The following EBF3 variants were observed in gnomAD, a reference collection of about 807,000 sequenced individuals.
EBF3 encodes the protein transcription factor COE3.
In EBF3, 18 loss-of-function variants were observed where a neutral mutation model predicts 77.1. That is an observed-to-expected ratio of 0.23 (90% CI 0.16 to 0.35). EBF3 has a LOEUF of 0.35. Ranked by LOEUF, EBF3 falls within the 10% of genes least tolerant of loss-of-function variation. EBF3 has a pLI of 1.00. For synonymous variants in EBF3, 350 were observed against 343.5 expected (o/e 1.02, Z -0.21); for missense variants, 558 against 860.0 (o/e 0.65, Z 4.39).
intron 6 of EBF3, among the ~76,000 whole-genome samples, chr10:129,931,387 T>C (rs779666864): frequency 3.3e-5 from 5 of 152,228 alleles, no homozygotes; most frequent in African/African-American, 4.8e-5. Context: ...GAAGAGAGCC[T>C]GAGTGTGGCA....
chr10:129,948,441 T>C (rs1176903183), intron 6 of EBF3, among the ~76,000 whole-genome samples: 1 of 152,090 alleles, frequency 6.6e-6, no homozygotes, highest in Admixed American at 6.6e-5. Context: ...GTGAAACTAT[T>C]CTGCACGGCA....
At chr10:129,854,894 C>T (rs1259628425) in intron 10 of EBF3, among the ~76,000 whole-genome samples, 3 of 152,358 alleles carry the variant, frequency 2.0e-5, no homozygotes, top group South Asian at 2.1e-4. Flanking sequence ...GCGCTGCCCG[C>T]GGGGGCCGGC....
In EBF3 at chr10:129,952,105, C is replaced by A. The variant is rs1002835230; in HGVS notation, c.554+5153G>T. Among the ~76,000 whole-genome samples, 2 of 152,192 alleles carry A rather than the reference C, an allele frequency of 1.3e-5. No homozygotes were observed. The highest frequency in any genetic ancestry group is 2.9e-5 in the Non-Finnish European group (2 of 68,040). On this transcript the variant is annotated intron_variant, in intron 6 of 16. Transcript: ENST00000440978. The surrounding 1 kb of genome is among the most constrained non-coding windows in gnomAD (Gnocchi z 4.7). ...GCCAAATTTCTAGCCAATACTTTCCCTTCACTGAAGGCCCAATGTATTAAA... is the reference window on the plus strand; with the variant it reads ...GCCAAATTTCTAGCCAATACTTTCCATTCACTGAAGGCCCAATGTATTAAA...
intron 11 of EBF3, 177 bp from the exon 12 acceptor site, chr10:129,843,379 A>G: frequency 1.7e-6 from 1 of 582,396 alleles, no homozygotes; most frequent in Non-Finnish European, 3.0e-6. Context: ...CGTGCTGACA[A>G]CACTGTTTGT....
In EBF3 at chr10:129,848,367, G is replaced by A. The variant is rs1357708392; in HGVS notation, c.1128+25C>T. On this transcript the variant is annotated intron_variant, in intron 11 of 16. Transcript: ENST00000440978. The surrounding 1 kb of genome is among the most constrained non-coding windows in gnomAD (Gnocchi z 4.4). ...CCCAGTGGCGGCCCCACCATGAGCG[G>A]GGTGCCACTTGCTCTTTTACTAACC... The A allele has an allele frequency of 6.2e-7, 1 of 1,610,102 alleles. No homozygotes were observed. The highest frequency in any genetic ancestry group is 8.5e-7 in the Non-Finnish European group (1 of 1,176,510).
At chr10:129,875,468 T>C (rs1852708940) in intron 7 of EBF3, among the ~76,000 whole-genome samples, 1 of 152,098 alleles carries the variant, frequency 6.6e-6, no homozygotes, top group South Asian at 2.1e-4. Flanking sequence ...AGTGCTGGGA[T>C]GACCGGCGTG....
At chr10:129,958,437 A>G (rs1353838195) in intron 5 of EBF3, among the ~76,000 whole-genome samples, 1 of 152,230 alleles carries the variant, frequency 6.6e-6, no homozygotes, top group Non-Finnish European at 1.5e-5. Context: ...CGGGCACGCT[A>G]TCTAACAACG....
intron 6 of EBF3, among the ~76,000 whole-genome samples, chr10:129,910,636 C>T (rs1303126909): frequency 2.0e-5 from 3 of 152,114 alleles, no homozygotes; most frequent in East Asian, 3.9e-4. Context: ...CCAGCTCCTA[C>T]GCTCCCTGCT....
chr10:129,873,223 G>T (rs1251949952), intron 8 of EBF3, among the ~76,000 whole-genome samples: 4 of 152,212 alleles, frequency 2.6e-5, no homozygotes, highest in Admixed American at 2.6e-4. Flanking sequence ...AAACATGAAG[G>T]CCGTGGCAGG....
Position 129,842,237 on chromosome 10 carries a change from G to T in EBF3, c.1251C>A (p.Arg417=). 1 of 1,613,968 alleles carries T rather than the reference G, an allele frequency of 6.2e-7. No individual in the cohort carries two copies. Among genetic ancestry groups the T allele is most frequent in the South Asian group, 1.1e-5 (1 of 91,044 alleles). Residue 417 remains arginine, a synonymous_variant, in exon 13 of 17, where the codon CGC becomes CGA. Coordinates refer to ENST00000440978, the MANE Select transcript of EBF3 (RefSeq NM_001375380.1). The surrounding 1 kb of genome is among the most constrained non-coding windows in gnomAD (Gnocchi z 4.4). ...CCAGGGTGGGGATCTGGTTGTGATTGCGGGGAACGCTGTACAGCGCCTCGG... is the reference window on the plus strand; with the variant it reads ...CCAGGGTGGGGATCTGGTTGTGATTTCGGGGAACGCTGTACAGCGCCTCGG... ...DIAEALYSVP[R]NHNQIPTLGN...
intron 6 of EBF3, among the ~76,000 whole-genome samples, chr10:129,912,582 C>T (rs1261486738): frequency 6.6e-6 from 1 of 152,150 alleles, no homozygotes; most frequent in Non-Finnish European, 1.5e-5. Context: ...AAAGTGAGTG[C>T]TATTTTCTGT....
Position 129,876,885 on chromosome 10 carries a change from A to ACCCCCCCCCCCCCCC in EBF3, c.636+868_636+882dup, listed in dbSNP as rs10573399. On this transcript the variant is annotated intron_variant, in intron 7 of 16. Transcript: ENST00000440978. ...TAAATCTATCATAATTCATCCCTGA[A>ACCCCCCCCCCCCCCC]CCCCCCCCCCCCCCCCACCCAGCTA... 8.3e-3 allele frequency among the ~76,000 whole-genome samples: 353 copies of ACCCCCCCCCCCCCCC among 42,398 alleles called. 10 individuals are homozygous for ACCCCCCCCCCCCCCC. The highest frequency in any genetic ancestry group is 0.01 in the Non-Finnish European group (235 of 22,664). 27.8% of individuals were successfully genotyped at this position (42,398 alleles called of 152,430 possible). A position where few individuals can be genotyped will look rare whatever the true frequency, so the allele number is the denominator to read the frequency against.
Position 129,840,461 on chromosome 10 carries a change from G to T in EBF3, c.1562-19C>A. The T allele has an allele frequency of 1.3e-6, 2 of 1,546,486 alleles. No homozygotes were observed. The highest frequency in any genetic ancestry group is 2.0e-5 in the Admixed American group (1 of 50,950). ...GGCACTACTGCAACAAAGCAAACACGGTCAGCACGCGCGGCCGCGGCACAG... is the reference window on the plus strand; with the variant it reads ...GGCACTACTGCAACAAAGCAAACACTGTCAGCACGCGCGGCCGCGGCACAG... On this transcript the variant is annotated intron_variant, in intron 14 of 16. Transcript: ENST00000440978.
intron 6 of EBF3, among the ~76,000 whole-genome samples, chr10:129,898,853 G>C (rs988750077): frequency 6.6e-6 from 1 of 152,098 alleles, no homozygotes; most frequent in African/African-American, 2.4e-5. Flanking sequence ...GCCCCGCTGC[G>C]CCTCCCGCAG....
intron 5 of EBF3, 145 bp from the exon 6 acceptor site, chr10:129,957,471 T>TC (rs1202164490): frequency 1.6e-6 from 1 of 643,814 alleles, no homozygotes; most frequent in Non-Finnish European, 2.6e-6. Flanking sequence ...CCCAGTGAGT[T>TC]CACGTGTTCT....
chr10:129,935,347 C>T lies in EBF3; in HGVS notation c.554+21911G>A, dbSNP rs1204305488. Among the ~76,000 whole-genome samples the T allele has an allele frequency of 2.6e-5, 4 of 152,176 alleles. No individual in the cohort carries two copies. Among genetic ancestry groups the T allele is most frequent in the Non-Finnish European group, 4.4e-5 (3 of 68,020 alleles). ...TGGGACCAGGGTGGCCCTGCCTTCC[C>T]AGCTCTCCGGTGGGGAAGGTGGGAT... On this transcript the variant is annotated intron_variant, in intron 6 of 16. Transcript: ENST00000440978. The surrounding 1 kb of genome is among the most constrained non-coding windows in gnomAD (Gnocchi z 4.2).
intron 6 of EBF3, among the ~76,000 whole-genome samples, chr10:129,886,742 T>C (rs867905236): frequency 2.6e-5 from 4 of 152,080 alleles, no homozygotes; most frequent in Non-Finnish European, 5.9e-5. Context: ...TTCTTTCCCT[T>C]CTTGTTTTAA....
rs993099412 is a variant in EBF3 at position 129,878,678 on chromosome 10, A to G, written c.555-829T>C. Among the ~76,000 whole-genome samples the G allele has an allele frequency of 3.3e-5, 5 of 151,112 alleles. No homozygotes were observed. In the South Asian group the frequency reaches 6.3e-4, roughly 19 times the overall value. On this transcript the variant is annotated intron_variant, in intron 6 of 16. Transcript: ENST00000440978. ...CTCTGTCTCAAAAAAAAAAAAAAAA[A>G]AAAAAGAGTTACAGTAGGTACAGCT... is the stretch of plus-strand genomic sequence containing the variant.
rs187057077 is a variant in EBF3 at position 129,902,457 on chromosome 10, C to T, written c.555-24608G>A. On this transcript the variant is annotated intron_variant, in intron 6 of 16. Transcript: ENST00000440978. ...GCCACTGGGGTTCAGAAGCATGGCA[C>T]GCTATCTGGGAGGCACATCCATATG... is the stretch of plus-strand genomic sequence containing the variant. Among the ~76,000 whole-genome samples, 27 of 152,008 alleles carry T rather than the reference C, an allele frequency of 1.8e-4. No individual in the cohort carries two copies. The East Asian group carries it at 5.2e-3, about 29-fold the overall frequency.
Sources: gnomAD v4.1 joint callset for allele counts (sites outside exome capture counted in the v4.1 genomes callset) on GRCh38, gnomAD v4.1.1 for gene constraint, Gnocchi (gnomAD v3.1) non-coding constraint, MANE v1.5 for transcripts, NCBI Gene and HGNC (gene_info 2026-07-23, HGNC 2026-07-21) for gene names.